The following POLE2 variants were observed in gnomAD, a reference collection of about 807,000 sequenced individuals.
POLE2 encodes DNA polymerase epsilon 2, accessory subunit.
POLE2 carries 56 observed loss-of-function variants against 79.4 expected under a neutral mutation model. The observed-to-expected ratio is 0.71, with a 90% CI of 0.57 to 0.88. The LOEUF is 0.88. Ranked by LOEUF, POLE2 falls within the 40% of genes least tolerant of loss-of-function variation. The pLI is 0.00. For synonymous variants in POLE2, 212 were observed against 214.0 expected, an observed-to-expected ratio of 0.99 and a Z score of 0.08; for missense variants, 598 against 638.9, an observed-to-expected ratio of 0.94 and a Z score of 0.69.
chr14:49,679,634 G>T (rs779613008), intron 3 of POLE2, 91 bp downstream of exon 3: 6 of 686,768 alleles, frequency 8.7e-6, no homozygotes, highest in Non-Finnish European at 1.3e-5. Context: ...CTGTAGAAAC[G>T]TTGATCACTA....
chr14:49,677,837 A>C, intron 3 of POLE2: 1 of 471,304 alleles, frequency 2.1e-6, no homozygotes, highest in Non-Finnish European at 3.7e-6. Context: ...TTGCCTCCTC[A>C]GTCAGCTGGA....
rs1466475088 is a variant in POLE2 at position 49,687,988 on chromosome 14, G to A, written c.68+148C>T. 45 of 648,984 alleles carry A rather than the reference G, an allele frequency of 6.9e-5. No individual in the cohort carries two copies. In the East Asian group the frequency reaches 1.2e-3, roughly 18 times the overall value. The allele number at this position is 648,984 out of a possible 1,614,324, so 40.2% of individuals were successfully genotyped here. A position where few individuals can be genotyped will look rare whatever the true frequency, so the allele number is the denominator to read the frequency against. On this transcript the variant is annotated intron_variant, in intron 1 of 18. Coordinates refer to ENST00000216367, the MANE Select transcript of POLE2 (RefSeq NM_002692.4). ...GCTGGGATTACAAGCGTGAGCCACCGCGCCCGACCGCTTCTTAGAACTCTG... is the reference window on the plus strand; with the variant it reads ...GCTGGGATTACAAGCGTGAGCCACCACGCCCGACCGCTTCTTAGAACTCTG...
At chr14:49,680,266 C>T (rs527704161) in intron 2 of POLE2, among the ~76,000 whole-genome samples, 3 of 152,200 alleles carry the variant, frequency 2.0e-5, no homozygotes, top group East Asian at 1.9e-4. Context: ...GGGAGGATCA[C>T]CTGAGCCCAG....
chr14:49,669,115 C>A (rs909013826), intron 6 of POLE2, among the ~76,000 whole-genome samples: 8 of 152,158 alleles, frequency 5.3e-5, no homozygotes, highest in African/African-American at 1.7e-4. Flanking sequence ...AGTTCAATAA[C>A]TGTGTGTGGT....
At chr14:49,678,637 T>C (rs748228821) in intron 3 of POLE2, among the ~76,000 whole-genome samples, 12 of 152,096 alleles carry the variant, frequency 7.9e-5, no homozygotes, top group Non-Finnish European at 1.8e-4. Context: ...TTTAGGAACA[T>C]TCATTATACT....
At chr14:49,686,564 A>G (rs1201397568) in intron 1 of POLE2, among the ~76,000 whole-genome samples, 4 of 152,226 alleles carry the variant, frequency 2.6e-5, no homozygotes, top group Non-Finnish European at 5.9e-5. Context: ...CCTAACCCAC[A>G]GAAAATTTGA....
chr14:49,649,596 C>CCT, intron 17 of POLE2, among the ~76,000 whole-genome samples: 1 of 151,908 alleles, frequency 6.6e-6, no homozygotes, highest in South Asian at 2.1e-4. Context: ...ATTACAGGCG[C>CCT]GCACCACCAC....
In POLE2 at chr14:49,654,785, T is replaced by C; in HGVS notation, c.1072A>G (p.Ser358Gly). Residue 358 changes from serine (S) to glycine (G), a missense_variant and splice_region_variant, in exon 13 of 19, where the codon AGT (serine) becomes GGT (glycine). By Grantham distance (56) the Ser-to-Gly change is moderately conservative. Coordinates refer to ENST00000216367, the MANE Select transcript of POLE2 (RefSeq NM_002692.4). ...ATATATAGTGCTAGAGATCATTACC[T>C]TTGGTGAATATCTGGGTATTCACAT... ...IICEYPDIHQ[S>G]SRFVFVPGPE... is the part of the protein sequence containing the mutation. The C allele has an allele frequency of 6.7e-7, 1 of 1,487,680 alleles. No individual in the cohort carries two copies. Among genetic ancestry groups the C allele is most frequent in the Non-Finnish European group, 8.9e-7 (1 of 1,124,274 alleles). 92.2% of individuals were successfully genotyped at this position (1,487,680 alleles called of 1,614,324 possible).
rs1886619761 is a variant in POLE2, at chr14:49,680,439, A to G, written c.170-639T>C. ...TCATCATAACTGCTCAGTTTCAATG[A>G]GCATGATAGTAACAATAGCAGCTAC... On this transcript the variant is annotated intron_variant, in intron 2 of 18. Transcript: ENST00000216367. 2.6e-5 allele frequency among the ~76,000 whole-genome samples: 4 copies of G among 152,216 alleles called. No homozygotes were observed. In the South Asian group the frequency reaches 8.3e-4, roughly 32 times the overall value.
At chr14:49,674,292 C>T (rs548636965) in intron 4 of POLE2, 58 bp downstream of exon 4, 1 of 1,457,066 alleles carries the variant, frequency 6.9e-7, no homozygotes, top group South Asian at 1.2e-5. Flanking sequence ...GAGACTATAC[C>T]TTCTGAAAAA....
At chr14:49,647,786 T>C (rs2139602695) in intron 17 of POLE2, among the ~76,000 whole-genome samples, 1 of 152,366 alleles carries the variant, frequency 6.6e-6, no homozygotes, top group Admixed American at 6.5e-5. Context: ...AAATAATTCC[T>C]GTTTTTTAAA....
At chr14:49,667,540 C>T (rs1187821781) in intron 6 of POLE2, among the ~76,000 whole-genome samples, 1 of 151,150 alleles carries the variant, frequency 6.6e-6, no homozygotes, top group African/African-American at 2.4e-5. Flanking sequence ...TGGCCCACTA[C>T]ACAGATAGAA....
intron 10 of POLE2, among the ~76,000 whole-genome samples, chr14:49,661,012 C>A (rs1187692144): frequency 3.9e-5 from 6 of 152,068 alleles, no homozygotes; most frequent in Non-Finnish European, 8.8e-5. Flanking sequence ...TCACTGCAAC[C>A]TCCGCCTCCA....
intron 1 of POLE2, 25 bp downstream of exon 1, chr14:49,688,111 C>T: frequency 6.5e-7 from 1 of 1,537,218 alleles, no homozygotes; most frequent in South Asian, 1.2e-5. Context: ...CCCTCTCGCC[C>T]TTCAAGCTGC....
At chr14:49,674,480 T>C in intron 3 of POLE2, 53 bp from the exon 4 acceptor site, 2 of 1,018,662 alleles carry the variant, frequency 2.0e-6, no homozygotes, top group South Asian at 2.7e-5. Context: ...ATAAGTACTC[T>C]AGGTGAACAT....
At chr14:49,664,915 T>C (rs1348461795) in intron 8 of POLE2, among the ~76,000 whole-genome samples, 192 bp downstream of exon 8, 1 of 152,242 alleles carries the variant, frequency 6.6e-6, no homozygotes, top group East Asian at 1.9e-4. Context: ...CAGTGATTCA[T>C]CTAGATTCTC....
At chr14:49,665,294 T>C in intron 7 of POLE2, 131 bp from the exon 8 acceptor site, 1 of 594,430 alleles carries the variant, frequency 1.7e-6, no homozygotes, top group Non-Finnish European at 3.0e-6. Context: ...CTATTATTTC[T>C]AGTCCAGGCT....
intron 1 of POLE2, among the ~76,000 whole-genome samples, chr14:49,687,300 C>CA (rs1491570833): frequency 7.9e-5 from 11 of 139,742 alleles, no homozygotes; most frequent in South Asian, 2.3e-4. Flanking sequence ...TACACACACA[C>CA]CACACACACA....
intron 1 of POLE2, among the ~76,000 whole-genome samples, chr14:49,685,225 T>C (rs552104485): frequency 4.6e-5 from 7 of 152,326 alleles, no homozygotes; most frequent in Admixed American, 4.6e-4. Flanking sequence ...CACTAATTGT[T>C]CTATATATTG....
Sources: allele counts gnomAD v4.1 joint callset (sites outside exome capture counted in the v4.1 genomes callset), GRCh38; gene constraint gnomAD v4.1.1; transcripts MANE v1.5; gene names NCBI Gene and HGNC (gene_info 2026-07-23, HGNC 2026-07-21).